SVIL: variants seen among roughly 807,000 people sequenced by gnomAD.
SVIL encodes archvillin.
SVIL carries 101 observed loss-of-function variants against 240.4 expected under a neutral mutation model. The ratio of observed to expected loss-of-function variants is 0.42; its 90% CI spans 0.36 to 0.50. The LOEUF (loss-of-function observed/expected upper bound fraction) is 0.50. SVIL is among the 20% of genes least tolerant of loss of function. The pLI, the probability that SVIL is intolerant of heterozygous loss-of-function variation, is 0.01. For missense variants in SVIL, 2,512 were observed against 2,818.7 expected, an observed-to-expected ratio of 0.89 and a Z score of 2.46; for synonymous variants, 999 against 1,100.0, an observed-to-expected ratio of 0.91 and a Z score of 1.82.
intron 6 of SVIL, among the ~76,000 whole-genome samples, chr10:29,538,473 A>G (rs117874838): frequency 0.05 from 7,640 of 152,278 alleles, 266 homozygotes; most frequent in Admixed American, 0.11. Context: ...TGACTTTAAG[A>G]TGTTGTGGAA....
chr10:29,528,276 A>G (rs1421704709), intron 12 of SVIL, among the ~76,000 whole-genome samples: 1 of 152,206 alleles, frequency 6.6e-6, no homozygotes, highest in East Asian at 1.9e-4. Flanking sequence ...CTGAGGAACA[A>G]CTCGGGGAGG....
At chr10:29,459,237 A>C (rs1461193382) in intron 36 of SVIL, among the ~76,000 whole-genome samples, 2 of 152,344 alleles carry the variant, frequency 1.3e-5, no homozygotes, top group East Asian at 1.9e-4. Flanking sequence ...AAGCCTCCTG[A>C]GTAGCTGGCA....
chr10:29,671,695 C>T (rs916931627), intron 2 of SVIL, among the ~76,000 whole-genome samples: 1 of 152,168 alleles, frequency 6.6e-6, no homozygotes, highest in Admixed American at 6.5e-5. Flanking sequence ...CAGATATTTA[C>T]CTTATTTCTT....
In SVIL at chr10:29,490,920, ATCT is replaced by A. The variant is rs769943300; in HGVS notation, c.4116_4118del (p.Glu1372del). 8 of 1,613,888 alleles carry A rather than the reference ATCT, an allele frequency of 5.0e-6. No individual in the cohort carries two copies. The South Asian group carries it at 6.6e-5, about 13-fold the overall frequency. Reference sequence around the variant, plus strand: ...TCTGCTCAGTGTATTCCTGAAGGAGATCTTCTCTTGCCGCCAGCATTTTCAGGG... The same window carrying A: ...TCTGCTCAGTGTATTCCTGAAGGAGATCTCTTGCCGCCAGCATTTTCAGGG... On this transcript the variant is annotated inframe_deletion, in exon 22 of 38. Transcript: ENST00000355867.
chr10:29,486,384 A>G, intron 25 of SVIL, 26 bp downstream of exon 25: 3 of 1,611,114 alleles, frequency 1.9e-6, no homozygotes, highest in Non-Finnish European at 2.5e-6. Flanking sequence ...AGTCTCGTCA[A>G]TCTCTGAAGT....
intron 3 of SVIL, chr10:29,647,278 C>A (rs1249655315): frequency 6.6e-6 from 1 of 152,202 alleles, no homozygotes; most frequent in Non-Finnish European, 1.5e-5. Flanking sequence ...GGTCAGGGTG[C>A]CTGCAAGCCT....
chr10:29,565,462 T>G (rs1807193760), intron 2 of SVIL, among the ~76,000 whole-genome samples: 1 of 152,206 alleles, frequency 6.6e-6, no homozygotes. Context: ...CGTGGTTCAC[T>G]TGACATGCTG....
At chr10:29,573,787 C>G (rs1047198559) in intron 1 of SVIL, among the ~76,000 whole-genome samples, 1 of 152,092 alleles carries the variant, frequency 6.6e-6, no homozygotes, top group African/African-American at 2.4e-5. Flanking sequence ...CCTCCACCTC[C>G]CGGGTTCAAG....
intron 1 of SVIL, among the ~76,000 whole-genome samples, chr10:29,602,768 C>T (rs1956865896): frequency 6.6e-6 from 1 of 152,100 alleles, no homozygotes; most frequent in Non-Finnish European, 1.5e-5. Flanking sequence ...GTTGGATCAC[C>T]TGAGGTCAGG....
At chr10:29,574,404 T>C (rs1292982191) in intron 1 of SVIL, among the ~76,000 whole-genome samples, 9 of 152,130 alleles carry the variant, frequency 5.9e-5, no homozygotes, top group Non-Finnish European at 1.3e-4. Context: ...ACATGCCATG[T>C]CATGTCATGG....
At chr10:29,502,119 GA>G in intron 17 of SVIL, among the ~76,000 whole-genome samples, 1 of 152,198 alleles carries the variant, frequency 6.6e-6, no homozygotes, top group Non-Finnish European at 1.5e-5. Context: ...CCTAGGGCAA[GA>G]AGAAATAATT....
At chr10:29,544,341 C>G (rs1239971252) in intron 6 of SVIL, among the ~76,000 whole-genome samples, 1 of 152,178 alleles carries the variant, frequency 6.6e-6, no homozygotes, top group Non-Finnish European at 1.5e-5. Context: ...GGTACAAAAT[C>G]TGCAAGGACA....
At chr10:29,524,413 C>A in intron 14 of SVIL, 59 bp downstream of exon 14, 1 of 1,602,796 alleles carries the variant, frequency 6.2e-7, no homozygotes, top group South Asian at 1.1e-5. Context: ...AGGAATACTG[C>A]AGTGCTATAA....
At chr10:29,466,184 CAGAT>C (rs972675992) in intron 33 of SVIL, among the ~76,000 whole-genome samples, 9 of 151,686 alleles carry the variant, frequency 5.9e-5, no homozygotes, top group African/African-American at 2.2e-4. Context: ...TATCTATACA[CAGAT>C]ATATGTATGT....
At chr10:29,492,366 C>T (rs1948043126) in intron 21 of SVIL, among the ~76,000 whole-genome samples, 3 of 152,042 alleles carry the variant, frequency 2.0e-5, no homozygotes, top group African/African-American at 7.2e-5. Context: ...CTGGGGTGTC[C>T]ATCTGCCGCC....
chr10:29,682,105 G>A (rs1395050005), intron 2 of SVIL, among the ~76,000 whole-genome samples: 2 of 152,180 alleles, frequency 1.3e-5, no homozygotes, highest in Admixed American at 6.5e-5. Flanking sequence ...CTGGCTCTGG[G>A]CTTTGCATCT....
rs986377784 is a variant in SVIL, at chr10:29,471,118, C to G, written c.5635+20G>C. On this transcript the variant is annotated intron_variant, in intron 31 of 37. Transcript: ENST00000355867. Reference sequence around the variant, plus strand: ...GAGAGGGAAAGGCAAAGTCGAATTCCAGCAGTAAAAGTGACTTACTTTGCA... The same window carrying G: ...GAGAGGGAAAGGCAAAGTCGAATTCGAGCAGTAAAAGTGACTTACTTTGCA... 2 of 1,603,800 alleles carry G rather than the reference C, an allele frequency of 1.2e-6. 1 individual carries two copies. The highest frequency in any genetic ancestry group is 2.2e-5 in the South Asian group (2 of 89,746).
intron 1 of SVIL, among the ~76,000 whole-genome samples, chr10:29,729,553 T>C (rs1964489510): frequency 1.3e-5 from 2 of 150,128 alleles, no homozygotes; most frequent in Admixed American, 1.3e-4. Flanking sequence ...AGTTGGCAAT[T>C]GGCCGGGTGC....
chr10:29,628,343 G>C (rs1378597483), intron 1 of SVIL, among the ~76,000 whole-genome samples: 4 of 152,112 alleles, frequency 2.6e-5, no homozygotes, highest in African/African-American at 9.7e-5. Context: ...TTTTGGCTGA[G>C]ATAAATTAGA....
Sources: gnomAD v4.1 joint callset for allele counts (sites outside exome capture counted in the v4.1 genomes callset) on GRCh38, gnomAD v4.1.1 for gene constraint, MANE v1.5 for transcripts, NCBI Gene and HGNC (gene_info 2026-07-23, HGNC 2026-07-21) for gene names.